Variants in FKTN observed in about 807,000 individuals in gnomAD.
FKTN encodes the protein fukutin.
FKTN carries 47 observed loss-of-function variants against 58.6 expected under a neutral mutation model. The observed-to-expected ratio is 0.80, with a 90% CI of 0.63 to 1.02. FKTN has a LOEUF of 1.02. Among genes scored for constraint, FKTN ranks in the 50% least tolerant of loss-of-function variants. The pLI is 0.00. For synonymous variants in FKTN, 178 were observed against 191.9 expected (o/e 0.93, Z 0.60); for missense variants, 516 against 537.3 (o/e 0.96, Z 0.39).
At chr9:105,582,605 G>T (rs1463354009) in intron 3 of FKTN, among the ~76,000 whole-genome samples, 2 of 152,020 alleles carry the variant, frequency 1.3e-5, no homozygotes, top group African/African-American at 4.8e-5. Context: ...TTTTTTCCAG[G>T]CTATATAATT....
intron 6 of FKTN, among the ~76,000 whole-genome samples, chr9:105,606,577 A>T (rs1668785515): frequency 6.6e-6 from 1 of 151,466 alleles, no homozygotes; most frequent in South Asian, 2.1e-4. Context: ...ATTTGTAAGG[A>T]TTTTCACATT....
chr9:105,566,126 A>C (rs1839549738), intron 1 of FKTN, among the ~76,000 whole-genome samples: 1 of 152,230 alleles, frequency 6.6e-6, no homozygotes, highest in South Asian at 2.1e-4. Context: ...AACATACCAG[A>C]ATCTCTGGGA....
chr9:105,558,655 C>CTAGATGATA (rs1178225182), intron 1 of FKTN, among the ~76,000 whole-genome samples: 1 of 149,056 alleles, frequency 6.7e-6, no homozygotes, highest in East Asian at 1.9e-4. Flanking sequence ...AAAAAAGGAC[C>CTAGATGATA]TAGATGATAT....
intron 4 of FKTN, 149 bp downstream of exon 4, chr9:105,596,806 T>C: frequency 1.5e-6 from 1 of 689,366 alleles, no homozygotes; most frequent in South Asian, 1.6e-5. Context: ...GGACAGGCCC[T>C]TTACCAAGTG....
At chr9:105,571,312 A>T (rs545355056) in intron 1 of FKTN, among the ~76,000 whole-genome samples, 2 of 152,296 alleles carry the variant, frequency 1.3e-5, no homozygotes, top group East Asian at 3.9e-4. Context: ...TTTCAGTGTC[A>T]CATTATTCAT....
rs79235787 is a variant in FKTN, at chr9:105,598,952, C to A, written c.166-2193C>A. ...TAAAAGACACACACACACACACACA[C>A]AAAATAGCTAAATTGGACTATTAAA... On this transcript the variant is annotated intron_variant, in intron 4 of 10. Coordinates refer to ENST00000357998, the MANE Select transcript of FKTN (RefSeq NM_001079802.2). Among the ~76,000 whole-genome samples the A allele has an allele frequency of 5.4e-5, 8 of 147,192 alleles. No individual in the cohort carries two copies. In the South Asian group the frequency reaches 8.5e-4, roughly 16 times the overall value.
intron 3 of FKTN, among the ~76,000 whole-genome samples, chr9:105,590,042 C>A (rs1308875135): frequency 6.6e-6 from 1 of 152,164 alleles, no homozygotes; most frequent in Non-Finnish European, 1.5e-5. Context: ...TGGACATGAT[C>A]TGACTATTGT....
At chr9:105,580,306 G>A (rs527971735) in intron 3 of FKTN, among the ~76,000 whole-genome samples, 13 of 152,140 alleles carry the variant, frequency 8.5e-5, no homozygotes, top group South Asian at 8.3e-4. Context: ...AGCTGGTACC[G>A]GTTGTTCCTT....
intron 7 of FKTN, among the ~76,000 whole-genome samples, chr9:105,613,778 A>G (rs1331377467): frequency 6.6e-6 from 1 of 152,246 alleles, no homozygotes; most frequent in African/African-American, 2.4e-5. Context: ...GAAAAAGATA[A>G]TTCATTTGTC....
chr9:105,615,175 T>G lies in FKTN; in HGVS notation c.781-103T>G, dbSNP rs1407922399. Reference sequence around the variant, plus strand: ...CTGGGGTTACAGGCGTGAGCCACTGTGCCCAGCCTGGGGTTAATTTTCAAA... The same window carrying G: ...CTGGGGTTACAGGCGTGAGCCACTGGGCCCAGCCTGGGGTTAATTTTCAAA... On this transcript the variant is annotated intron_variant, in intron 7 of 10. Coordinates refer to ENST00000357998, the MANE Select transcript of FKTN (RefSeq NM_001079802.2). 3.1e-6 allele frequency: 4 copies of G among 1,279,784 alleles called. No homozygotes were observed. The Admixed American group carries it at 6.8e-5, about 22-fold the overall frequency. 79.3% of individuals were successfully genotyped at this position (1,279,784 alleles called of 1,614,324 possible).
In FKTN at chr9:105,615,264, T is replaced by C. The variant is rs770214282; in HGVS notation, c.781-14T>C. The C allele has an allele frequency of 3.1e-6, 5 of 1,613,530 alleles. No homozygotes were observed. In the South Asian group the frequency reaches 4.4e-5, roughly 14 times the overall value. ...GAAATGGCTGTAATAGCTGACTATT[T>C]ATTATATCTGTAGCAGTACCTTGAT... On this transcript the variant is annotated splice_polypyrimidine_tract_variant and intron_variant, in intron 7 of 10. Transcript: ENST00000357998.
chr9:105,609,851 G>A (rs118127770), intron 7 of FKTN, among the ~76,000 whole-genome samples: 199 of 152,218 alleles, frequency 1.3e-3, no homozygotes, highest in African/African-American at 3.9e-3. Context: ...CTGAAACTTC[G>A]TATCTTTACC....
At position 105,637,529 on chromosome 9, in the gene FKTN, T is replaced by C. The variant is rs76003803; in HGVS notation, c.*2265T>C. Reference sequence around the variant, plus strand: ...ATTCTGATTCATCCATACTTCATCTTATGTATTTTAACAGTTGGGTTCTGT... The same window carrying C: ...ATTCTGATTCATCCATACTTCATCTCATGTATTTTAACAGTTGGGTTCTGT... On this transcript the variant is annotated 3_prime_UTR_variant, in exon 11 of 11. Coordinates refer to ENST00000357998, the MANE Select transcript of FKTN (RefSeq NM_001079802.2). 647 of 985,430 alleles carry C rather than the reference T, an allele frequency of 6.6e-4. 1 individual carries two copies. The African/African-American group carries it at 0.011, about 16-fold the overall frequency. 61.0% of individuals were successfully genotyped at this position (985,430 alleles called of 1,614,324 possible).
At chr9:105,609,596 G>C (rs762780365) in intron 7 of FKTN, among the ~76,000 whole-genome samples, 6 of 152,062 alleles carry the variant, frequency 3.9e-5, no homozygotes, top group Non-Finnish European at 8.8e-5. Flanking sequence ...TTCAGTCTGG[G>C]ACAGTTTCTC....
At position 105,581,392 on chromosome 9, in the gene FKTN, AC is replaced by A. The variant is rs547508028; in HGVS notation, c.105+6258del. Reference sequence around the variant, plus strand: ...GTTAGTTTTCCTTCTAACAGACAGGACCCTCAGCTGCAGGTCTGTTGGAGTA... The same window carrying A: ...GTTAGTTTTCCTTCTAACAGACAGGACCTCAGCTGCAGGTCTGTTGGAGTA... On this transcript the variant is annotated intron_variant, in intron 3 of 10. Transcript: ENST00000357998. 2.2e-3 allele frequency among the ~76,000 whole-genome samples: 324 copies of A among 148,254 alleles called. 9 individuals are homozygous for A. The highest frequency in any genetic ancestry group is 7.9e-3 in the African/African-American group (308 of 39,146).
intron 3 of FKTN, among the ~76,000 whole-genome samples, chr9:105,581,590 G>A (rs370639969): frequency 1.3e-5 from 2 of 152,018 alleles, no homozygotes; most frequent in African/African-American, 4.8e-5. Flanking sequence ...CAGGGACATT[G>A]AAGTCTGCAG....
rs141869811 is a variant in FKTN, at chr9:105,601,752, G to T, written c.369+404G>T. The stretch of plus-strand genomic sequence containing the variant: ...AACTTCTCAATATCGGTATTTTTAG[G>T]TCATTTCTGTTGAACTGTTTGATAT... On this transcript the variant is annotated intron_variant, in intron 5 of 10. Coordinates refer to ENST00000357998, the MANE Select transcript of FKTN (RefSeq NM_001079802.2). 5.9e-3 allele frequency among the ~76,000 whole-genome samples: 899 copies of T among 152,172 alleles called. 13 individuals carry two copies. The highest frequency in any genetic ancestry group is 0.021 in the African/African-American group (854 of 41,524).
At chr9:105,629,198 C>CA (rs1248862717) in intron 10 of FKTN, among the ~76,000 whole-genome samples, 4 of 151,206 alleles carry the variant, frequency 2.6e-5, no homozygotes, top group Non-Finnish European at 4.4e-5. Flanking sequence ...CCCATGTCTA[C>CA]AAAAAAATAA....
intron 3 of FKTN, among the ~76,000 whole-genome samples, chr9:105,593,812 T>G (rs923996466): frequency 6.6e-6 from 1 of 152,212 alleles, no homozygotes; most frequent in African/African-American, 2.4e-5. Flanking sequence ...AGATAAGTAT[T>G]GATAATTGAC....
Sources: gnomAD v4.1 joint callset for allele counts (sites outside exome capture counted in the v4.1 genomes callset) on GRCh38, gnomAD v4.1.1 for gene constraint, MANE v1.5 for transcripts, NCBI Gene and HGNC (gene_info 2026-07-23, HGNC 2026-07-21) for gene names.